GSE1: variants seen among roughly 807,000 people sequenced by gnomAD.
GSE1 encodes genetic suppressor element 1.
Under a neutral mutation model 112.6 loss-of-function variants are expected in GSE1, and 32 were observed. That is an observed-to-expected ratio of 0.28 (90% CI 0.21 to 0.38). The LOEUF (loss-of-function observed/expected upper bound fraction) is 0.38. Ranked by LOEUF, GSE1 falls within the 10% of genes least tolerant of loss-of-function variation. The pLI is 1.00. For missense variants in GSE1, 2,348 were observed against 1,699.2 expected (o/e 1.38, Z -6.71); for synonymous variants, 1,115 against 735.6 (o/e 1.52, Z -8.35).
chr16:85,461,106 C>T (rs556006758), intron 2 of GSE1, among the ~76,000 whole-genome samples: 276 of 152,302 alleles, frequency 1.8e-3, no homozygotes, highest in African/African-American at 6.2e-3. Flanking sequence ...CTGAGCTGGG[C>T]GCAGTGGAGG....
chr16:85,424,304 T>A (rs776982905), intron 2 of GSE1, among the ~76,000 whole-genome samples: 9 of 152,226 alleles, frequency 5.9e-5, no homozygotes, highest in Non-Finnish European at 1.0e-4. Context: ...AGGCTTGAGG[T>A]TCTTGGCGAC....
At chr16:85,633,560 C>G (rs2049728683) in intron 1 of GSE1, among the ~76,000 whole-genome samples, 1 of 152,208 alleles carries the variant, frequency 6.6e-6, no homozygotes, top group Non-Finnish European at 1.5e-5. Flanking sequence ...CCTCAGTCTC[C>G]TTCCCCACGC....
intron 1 of GSE1, among the ~76,000 whole-genome samples, chr16:85,333,868 C>T (rs1192872887): frequency 2.0e-5 from 3 of 152,192 alleles, no homozygotes; most frequent in South Asian, 2.1e-4. Context: ...CTGACCCAGA[C>T]GCCCCGTGCT....
Position 85,368,416 on chromosome 16 carries a change from C to T in GSE1, c.2464+10773C>T, listed in dbSNP as rs116623042. Among the ~76,000 whole-genome samples, 252 of 152,226 alleles carry T rather than the reference C, an allele frequency of 1.7e-3. 1 individual carries two copies. Among genetic ancestry groups the T allele is most frequent in the African/African-American group, 5.7e-3 (238 of 41,544 alleles). On this transcript the variant is annotated intron_variant, in intron 2 of 2. Transcript: ENST00000637419. Reference sequence around the variant, plus strand: ...CCCTAAATGCCTTCTCTAAAAGATACAATTCTGACCAGGCACGGTGGCTCC... The same window carrying T: ...CCCTAAATGCCTTCTCTAAAAGATATAATTCTGACCAGGCACGGTGGCTCC...
At chr16:85,503,605 T>G (rs2051441409) in intron 2 of GSE1, among the ~76,000 whole-genome samples, 1 of 152,100 alleles carries the variant, frequency 6.6e-6, no homozygotes, top group African/African-American at 2.4e-5. Context: ...GCGACCCAAA[T>G]TATGATCTCT....
rs763744691 is a variant in GSE1 at position 85,656,459 on chromosome 16, G to A, written c.1106G>A (p.Arg369His). ...CGTGAGCGCGAACGCGAGAAGGAGCGCGAGCAAGAGAAGGAGCGTGAGCGT... is the reference window on the plus strand; with the variant it reads ...CGTGAGCGCGAACGCGAGAAGGAGCACGAGCAAGAGAAGGAGCGTGAGCGT... Reference protein sequence around the residue: ...KEREREREKEREQEKEREREK... With the variant: ...KEREREREKEHEQEKEREREK... The change falls in exon 7 of 16, where the codon CGC becomes CAC. Residue 369 changes from arginine to histidine, a missense_variant. Arg to His is a conservative substitution (Grantham distance 29). Transcript: ENST00000253458. 1.0e-5 allele frequency: 16 copies of A among 1,545,372 alleles called. No individual in the cohort carries two copies. The highest frequency in any genetic ancestry group is 2.4e-5 in the East Asian group (1 of 41,418).
rs538741821 is a variant in GSE1, at chr16:85,309,312, C to T, written c.2284-48151C>T. On this transcript the variant is annotated intron_variant, in intron 1 of 2. Transcript: ENST00000637419. ...AGGAGTTTGAGAACAGCCTGGACAACGTAGTGAGACCCCTATCTCTACAAA... is the reference window on the plus strand; with the variant it reads ...AGGAGTTTGAGAACAGCCTGGACAATGTAGTGAGACCCCTATCTCTACAAA... Among the ~76,000 whole-genome samples, 45 of 152,058 alleles carry T rather than the reference C, an allele frequency of 3.0e-4. No individual in the cohort carries two copies. The South Asian group carries it at 6.9e-3, about 23-fold the overall frequency.
intron 2 of GSE1, among the ~76,000 whole-genome samples, chr16:85,465,788 A>G (rs998846514): frequency 2.0e-5 from 3 of 151,944 alleles, no homozygotes; most frequent in Admixed American, 6.6e-5. Flanking sequence ...GATCCTTTAC[A>G]CTCTGATCTC....
intron 2 of GSE1, among the ~76,000 whole-genome samples, chr16:85,441,713 G>C (rs2049380254): frequency 1.3e-5 from 2 of 152,174 alleles, no homozygotes; most frequent in African/African-American, 4.8e-5. Flanking sequence ...GGGTGTGTAG[G>C]AGTTTTCCAG....
chr16:85,455,367 A>T (rs112078183), intron 2 of GSE1, among the ~76,000 whole-genome samples: 2,033 of 152,110 alleles, frequency 0.013, 51 homozygotes, highest in African/African-American at 0.047. Context: ...ACAGAGCAAG[A>T]CCTGGCATTA....
intron 1 of GSE1, among the ~76,000 whole-genome samples, chr16:85,605,106 T>C (rs968832833): frequency 1.3e-5 from 2 of 151,492 alleles, no homozygotes; most frequent in South Asian, 2.1e-4. Flanking sequence ...TGTGAGCCAC[T>C]GCGCCTGGTC....
chr16:85,349,624 G>A (rs757309149), intron 1 of GSE1, among the ~76,000 whole-genome samples: 20 of 152,054 alleles, frequency 1.3e-4, no homozygotes, highest in Non-Finnish European at 2.5e-4. Flanking sequence ...CCCTGCCAGC[G>A]CCCTGGGGAA....
At chr16:85,529,296 C>T (rs7499293) in intron 2 of GSE1, among the ~76,000 whole-genome samples, 152,307 of 152,322 alleles carry the variant, frequency 1, 76,146 homozygotes, top group Middle Eastern at 1. Flanking sequence ...CGAGCAGCGG[C>T]CCAGGAGACA....
rs142512168 is a variant in GSE1, at chr16:85,378,525, C to T, written c.2464+20882C>T. On this transcript the variant is annotated intron_variant, in intron 2 of 2. Transcript: ENST00000637419. ...GCCAGAGAGACCCCAGGCTCTCCCTCTCTATAATCAGCACCATGACAGCGT... is the reference window on the plus strand; with the variant it reads ...GCCAGAGAGACCCCAGGCTCTCCCTTTCTATAATCAGCACCATGACAGCGT... Among the ~76,000 whole-genome samples, 32 of 152,350 alleles carry T rather than the reference C, an allele frequency of 2.1e-4. 1 individual carries two copies. The East Asian group carries it at 5.6e-3, about 27-fold the overall frequency.
chr16:85,218,811 A>G (rs2075344696), intron 1 of GSE1, among the ~76,000 whole-genome samples: 1 of 152,156 alleles, frequency 6.6e-6, no homozygotes, highest in Admixed American at 6.5e-5. Flanking sequence ...CCCTTTGCAT[A>G]TTTTTTATAA....
At chr16:85,214,236 G>A (rs373545814) in intron 1 of GSE1, among the ~76,000 whole-genome samples, 5 of 151,940 alleles carry the variant, frequency 3.3e-5, no homozygotes. Context: ...ACTATGCTGG[G>A]GTGAGGGCCC....
At chr16:85,453,427 C>A (rs538622995) in intron 2 of GSE1, among the ~76,000 whole-genome samples, 1 of 152,288 alleles carries the variant, frequency 6.6e-6, no homozygotes, top group East Asian at 1.9e-4. Flanking sequence ...ACGTAGGAAG[C>A]AAGGCAGCAG....
In GSE1 at chr16:85,657,340, C is replaced by A; in HGVS notation, c.1376C>A (p.Pro459His). The A allele has an allele frequency of 6.2e-7, 1 of 1,609,022 alleles. No homozygotes were observed. The highest frequency in any genetic ancestry group is 8.5e-7 in the Non-Finnish European group (1 of 1,178,398). The change falls in exon 8 of 16, where the codon CCC becomes CAC. Residue 459 changes from proline (P) to histidine (H), a missense_variant. Transcript: ENST00000253458. ...GTCCAACACCCCTTGCATCCGGTGC[C>A]CACCCCACACCACACGGTGCCCAGC... ...KPVQHPLHPV[P>H]TPHHTVPSLI...
At chr16:85,354,702 G>A (rs1187108038) in intron 1 of GSE1, among the ~76,000 whole-genome samples, 1 of 152,248 alleles carries the variant, frequency 6.6e-6, no homozygotes, top group Non-Finnish European at 1.5e-5. Context: ...TGCAGATGCG[G>A]CCCAGCATGA....
Sources: allele counts gnomAD v4.1 joint callset (sites outside exome capture counted in the v4.1 genomes callset), GRCh38; gene constraint gnomAD v4.1.1; transcripts MANE v1.5; gene names NCBI Gene and HGNC (gene_info 2026-07-23, HGNC 2026-07-21).